The following PISD variants were observed in gnomAD, a reference collection of about 807,000 sequenced individuals.
PISD encodes phosphatidylserine decarboxylase proenzyme, mitochondrial.
PISD carries 31 observed loss-of-function variants against 43.5 expected under a neutral mutation model. The observed-to-expected ratio is 0.71, with a 90% CI of 0.54 to 0.96. PISD has a LOEUF of 0.96. PISD is among the 40% of genes least tolerant of loss of function. PISD has a pLI of 0.00. For missense variants in PISD, 523 were observed against 548.4 expected (o/e 0.95, Z 0.46); for synonymous variants, 259 against 228.7 (o/e 1.13, Z -1.20).
Position 31,625,511 on chromosome 22 carries a change from G to A in PISD, c.322-3626C>T, listed in dbSNP as rs2072855300. 1.0e-5 allele frequency: 6 copies of A among 591,508 alleles called. No individual in the cohort carries two copies. In the South Asian group the frequency reaches 1.2e-4, roughly 12 times the overall value. 36.6% of individuals were successfully genotyped at this position (591,508 alleles called of 1,614,324 possible). A position where few individuals can be genotyped will look rare whatever the true frequency, so the allele number is the denominator to read the frequency against. The stretch of plus-strand genomic sequence containing the variant: ...GAGCACCAGGGTAGGGAAGATCGCA[G>A]GCATGAGGTCTGAGGCTCGCTGGCA... On this transcript the variant is annotated intron_variant, in intron 3 of 7. Coordinates refer to ENST00000439502, the MANE Select transcript of PISD (RefSeq NM_001326411.2).
At chr22:31,660,724 A>T (rs1348747355) in intron 1 of PISD, among the ~76,000 whole-genome samples, 2 of 152,058 alleles carry the variant, frequency 1.3e-5, no homozygotes, top group African/African-American at 4.8e-5. Context: ...TCAATTCGTG[A>T]CACACTTTAT....
intron 3 of PISD, chr22:31,623,968 C>A: frequency 1.1e-6 from 1 of 894,052 alleles, no homozygotes; most frequent in Admixed American, 2.7e-5. Flanking sequence ...TGGCAAGCTG[C>A]CTCTCCATGG....
chr22:31,647,897 G>A (rs1464958902), intron 3 of PISD, among the ~76,000 whole-genome samples: 1 of 152,200 alleles, frequency 6.6e-6, no homozygotes, highest in Non-Finnish European at 1.5e-5. Context: ...CCCTTGGGGA[G>A]ACCAGGGTAA....
At chr22:31,624,171 G>A (rs546895938) in intron 3 of PISD, among the ~76,000 whole-genome samples, 6 of 152,352 alleles carry the variant, frequency 3.9e-5, no homozygotes, top group African/African-American at 1.4e-4. Flanking sequence ...CCTCTCAGCT[G>A]CAGCAGCTCC....
At chr22:31,644,580 C>A (rs1324400901) in intron 3 of PISD, among the ~76,000 whole-genome samples, 2 of 152,156 alleles carry the variant, frequency 1.3e-5, no homozygotes, top group Non-Finnish European at 2.9e-5. Flanking sequence ...ATTCTGATAT[C>A]AGCTACATTT....
At position 31,624,712 on chromosome 22, in the gene PISD, G is replaced by GACACACAC. The variant is rs55946723; in HGVS notation, c.322-2835_322-2828dup. On this transcript the variant is annotated intron_variant, in intron 3 of 7. Transcript: ENST00000439502. Reference sequence around the variant, plus strand: ...CAAGCCCCTCCTTTCAGCAAAGGTGGACACACACACACACACACACACACA... The same window carrying GACACACAC: ...CAAGCCCCTCCTTTCAGCAAAGGTGGACACACACACACACACACACACACACACACACA... Among the ~76,000 whole-genome samples, 672 of 111,956 alleles carry GACACACAC rather than the reference G, an allele frequency of 6.0e-3. 9 individuals are homozygous for GACACACAC. The highest frequency in any genetic ancestry group is 9.7e-3 in the African/African-American group (271 of 28,026). The allele number at this position is 111,956 out of a possible 152,430, so 73.4% of individuals were successfully genotyped here.
In PISD at chr22:31,625,821, G is replaced by A. The variant is rs537103171; in HGVS notation, c.322-3936C>T. On this transcript the variant is annotated intron_variant, in intron 3 of 7. Coordinates refer to ENST00000439502, the MANE Select transcript of PISD (RefSeq NM_001326411.2). ...GCCTCTGACTGACACATCATGGGCC[G>A]GCGCAGGGAGGGCGGGGCGAGGCTC... is the stretch of plus-strand genomic sequence containing the variant. 65 of 1,598,350 alleles carry A rather than the reference G, an allele frequency of 4.1e-5. 2 individuals are homozygous for A. The highest frequency in any genetic ancestry group is 1.7e-4 in the African/African-American group (13 of 74,884).
intron 6 of PISD, 139 bp downstream of exon 6, chr22:31,620,857 C>T: frequency 7.2e-7 from 1 of 1,381,560 alleles, no homozygotes; most frequent in Non-Finnish European, 9.8e-7. Context: ...GTCCCCTGCC[C>T]ACAACCAGCC....
At chr22:31,623,865 CCATG>C (rs2072724510) in intron 3 of PISD, 1 of 1,606,912 alleles carries the variant, frequency 6.2e-7, no homozygotes, top group Non-Finnish European at 8.5e-7. Flanking sequence ...GGGCACAGGT[CCATG>C]CACAGCCAGG....
intron 3 of PISD, among the ~76,000 whole-genome samples, chr22:31,624,234 T>C (rs2072751826): frequency 6.6e-6 from 1 of 152,082 alleles, no homozygotes. Flanking sequence ...GAGAGCAGGG[T>C]GTAGGGCCTG....
chr22:31,646,325 G>A (rs1305739191), intron 3 of PISD, among the ~76,000 whole-genome samples: 1 of 152,160 alleles, frequency 6.6e-6, no homozygotes, highest in Non-Finnish European at 1.5e-5. Context: ...TTTACCAATA[G>A]GTGCTTTGAG....
At chr22:31,653,999 T>C (rs144604725) in intron 1 of PISD, among the ~76,000 whole-genome samples, 279 of 152,290 alleles carry the variant, frequency 1.8e-3, no homozygotes, top group Non-Finnish European at 3.1e-3. Context: ...CTCCCTACTT[T>C]TCTGCTCTCC....
chr22:31,659,696 A>G (rs1370559072), intron 1 of PISD, among the ~76,000 whole-genome samples: 1 of 151,166 alleles, frequency 6.6e-6, no homozygotes, highest in African/African-American at 2.4e-5. Context: ...GGTTCAGGAG[A>G]TTCTCCTGCC....
chr22:31,634,085 C>T (rs1284162712), intron 3 of PISD, among the ~76,000 whole-genome samples: 1 of 152,200 alleles, frequency 6.6e-6, no homozygotes, highest in Non-Finnish European at 1.5e-5. Flanking sequence ...GTATTCTCTG[C>T]CAGGTCCCAG....
At chr22:31,640,880 G>GTTTTTTTTGTTT (rs2073690379) in intron 3 of PISD, among the ~76,000 whole-genome samples, 2 of 24,598 alleles carry the variant, frequency 8.1e-5, no homozygotes, top group African/African-American at 1.8e-4. Flanking sequence ...CACACCCGGT[G>GTTTTTTTTGTTT]TTTTTTTTTT....
chr22:31,622,011 C>G (rs2072611650), intron 3 of PISD, 126 bp from the exon 4 acceptor site: 2 of 714,528 alleles, frequency 2.8e-6, no homozygotes, highest in South Asian at 3.4e-5. Flanking sequence ...CACCAGGGCC[C>G]AGGTGCCCCA....
chr22:31,633,587 C>T (rs373067067), intron 3 of PISD, among the ~76,000 whole-genome samples: 6 of 152,180 alleles, frequency 3.9e-5, no homozygotes, highest in South Asian at 2.1e-4. Context: ...TGGTGGCGGG[C>T]GCCTGTAGTC....
Position 31,648,125 on chromosome 22 carries a change from T to G in PISD, c.297A>C (p.Pro99=). Reference sequence around the variant, plus strand: ...CCTCCCAGTGACCAGCAAGTTTGGGTGGAATCTCCAATCCCAGCTTCTCCA... The same window carrying G: ...CCTCCCAGTGACCAGCAAGTTTGGGGGGAATCTCCAATCCCAGCTTCTCCA... ...RELEKLGLEI[P]PKLAGHWEVA... The change falls in exon 3 of 8, where the codon CCA becomes CCC. Residue 99 remains proline (P), a synonymous_variant. Transcript: ENST00000439502. 1 of 1,611,640 alleles carries G rather than the reference T, an allele frequency of 6.2e-7. No individual in the cohort carries two copies. Among genetic ancestry groups the G allele is most frequent in the Non-Finnish European group, 8.5e-7 (1 of 1,179,674 alleles).
intron 3 of PISD, among the ~76,000 whole-genome samples, chr22:31,634,834 C>CAAAAAAA (rs33999998): frequency 9.9e-5 from 8 of 81,014 alleles, no homozygotes; most frequent in Non-Finnish European, 1.8e-4. Context: ...GACTCCATCT[C>CAAAAAAA]AAAAAAAAAA....
Sources: gnomAD v4.1 joint callset for allele counts (sites outside exome capture counted in the v4.1 genomes callset) on GRCh38, gnomAD v4.1.1 for gene constraint, MANE v1.5 for transcripts, NCBI Gene and HGNC (gene_info 2026-07-23, HGNC 2026-07-21) for gene names.